Variants in EPHA5 observed in about 807,000 individuals in gnomAD.
The protein encoded by EPHA5 is ephrin type-A receptor 5.
EPHA5 carries 60 observed loss-of-function variants against 105.0 expected under a neutral mutation model. The ratio of observed to expected loss-of-function variants is 0.57; its 90% CI spans 0.46 to 0.71. The LOEUF is 0.71. Ranked by LOEUF, EPHA5 falls within the 30% of genes least tolerant of loss-of-function variation. The probability of loss-of-function intolerance (pLI) is 0.00; values close to 1 mark genes in which losing one functional copy is unlikely to be tolerated. For missense variants in EPHA5, 1,218 were observed against 1,274.7 expected (o/e 0.96, Z 0.68); for synonymous variants, 513 against 449.1 (o/e 1.14, Z -1.80).
At chr4:65,506,210 T>C (rs943449518) in intron 3 of EPHA5, among the ~76,000 whole-genome samples, 3 of 152,146 alleles carry the variant, frequency 2.0e-5, no homozygotes, top group Admixed American at 6.6e-5. Flanking sequence ...TAGTATTCCA[T>C]GGTGTATATG....
At chr4:65,432,293 T>A (rs1012401547) in intron 5 of EPHA5, among the ~76,000 whole-genome samples, 2 of 152,196 alleles carry the variant, frequency 1.3e-5, no homozygotes, top group African/African-American at 4.8e-5. Context: ...TGTATAGAAT[T>A]GACTGCTATA....
intron 5 of EPHA5, among the ~76,000 whole-genome samples, chr4:65,437,760 T>C (rs1185658423): frequency 1.3e-5 from 2 of 151,932 alleles, no homozygotes; most frequent in Admixed American, 1.3e-4. Flanking sequence ...AATATAGTCA[T>C]TTGTAAAATT....
intron 3 of EPHA5, among the ~76,000 whole-genome samples, chr4:65,569,903 A>C (rs1373420778): frequency 6.6e-6 from 1 of 151,744 alleles, no homozygotes; most frequent in East Asian, 1.9e-4. Flanking sequence ...AATATTTGAC[A>C]AAAGTTTGAA....
At chr4:65,463,097 A>C (rs1416904781) in intron 5 of EPHA5, among the ~76,000 whole-genome samples, 1 of 152,212 alleles carries the variant, frequency 6.6e-6, no homozygotes, top group African/African-American at 2.4e-5. Flanking sequence ...GTATTGGTCT[A>C]TATTAAAACT....
At chr4:65,539,040 CT>C (rs1736566563) in intron 3 of EPHA5, among the ~76,000 whole-genome samples, 1 of 151,646 alleles carries the variant, frequency 6.6e-6, no homozygotes, top group South Asian at 2.1e-4. Flanking sequence ...GTTTTATGTT[CT>C]CCTTGTTACA....
chr4:65,611,246 G>C (rs1744731050), intron 2 of EPHA5, among the ~76,000 whole-genome samples: 1 of 151,828 alleles, frequency 6.6e-6, no homozygotes, highest in African/African-American at 2.4e-5. Context: ...ATATATTTCA[G>C]TATATATTTC....
intron 4 of EPHA5, among the ~76,000 whole-genome samples, chr4:65,493,283 T>A (rs1257359479): frequency 2.0e-5 from 3 of 152,208 alleles, no homozygotes; most frequent in Admixed American, 6.5e-5. Context: ...ACTGTGAGAC[T>A]AACCTTTAAT....
At chr4:65,466,117 T>A (rs1381710237) in intron 5 of EPHA5, among the ~76,000 whole-genome samples, 1 of 152,276 alleles carries the variant, frequency 6.6e-6, no homozygotes, top group African/African-American at 2.4e-5. Context: ...TATGTGTGCA[T>A]GTGTGTGGGC....
At chr4:65,570,190 T>C (rs1352893071) in intron 3 of EPHA5, among the ~76,000 whole-genome samples, 2 of 151,904 alleles carry the variant, frequency 1.3e-5, no homozygotes, top group Non-Finnish European at 2.9e-5. Context: ...ACTATACTCC[T>C]AACTACACTC....
intron 3 of EPHA5, among the ~76,000 whole-genome samples, chr4:65,585,913 T>A (rs2149405648): frequency 6.6e-6 from 1 of 151,826 alleles, no homozygotes; most frequent in South Asian, 2.1e-4. Flanking sequence ...AAAAAATGCC[T>A]GCAGCCTTAC....
At chr4:65,520,448 A>G (rs927223767) in intron 3 of EPHA5, among the ~76,000 whole-genome samples, 4 of 152,224 alleles carry the variant, frequency 2.6e-5, no homozygotes, top group African/African-American at 9.6e-5. Context: ...AAGCAATACC[A>G]TTCAGGTCAT....
At chr4:65,470,672 T>C (rs1044612562) in intron 5 of EPHA5, among the ~76,000 whole-genome samples, 1 of 152,134 alleles carries the variant, frequency 6.6e-6, no homozygotes, top group African/African-American at 2.4e-5. Context: ...CAAGATAAGA[T>C]AATGAAAAAT....
chr4:65,346,291 A>C (rs2034539), intron 14 of EPHA5, among the ~76,000 whole-genome samples: 1 of 151,618 alleles, frequency 6.6e-6, no homozygotes, highest in Non-Finnish European at 1.5e-5. Flanking sequence ...GAAAATATTT[A>C]CTCAGTCTAA....
chr4:65,329,791 G>A (rs1720415968), intron 16 of EPHA5, among the ~76,000 whole-genome samples: 1 of 146,678 alleles, frequency 6.8e-6, no homozygotes, highest in Admixed American at 6.9e-5. Flanking sequence ...TTTGCCATTA[G>A]TCCTTAGCAA....
chr4:65,409,388 C>T (rs940139113), intron 7 of EPHA5, among the ~76,000 whole-genome samples: 5 of 122,498 alleles, frequency 4.1e-5, no homozygotes, highest in East Asian at 2.5e-4. Context: ...CTTTGTAAGC[C>T]GGAAAAAAGG....
intron 8 of EPHA5, among the ~76,000 whole-genome samples, chr4:65,399,458 C>A (rs1477072162): frequency 6.6e-6 from 1 of 152,176 alleles, no homozygotes; most frequent in Non-Finnish European, 1.5e-5. Context: ...CAGGCCTGAG[C>A]AAAACTCAGG....
chr4:65,504,123 T>G (rs1383279762), intron 3 of EPHA5, among the ~76,000 whole-genome samples: 2 of 151,478 alleles, frequency 1.3e-5, no homozygotes, highest in Non-Finnish European at 3.0e-5. Flanking sequence ...TATTGTTACA[T>G]CTATATATTT....
At chr4:65,616,921 T>A (rs1418044256) in intron 2 of EPHA5, among the ~76,000 whole-genome samples, 1 of 152,092 alleles carries the variant, frequency 6.6e-6, no homozygotes, top group Non-Finnish European at 1.5e-5. Context: ...GATATTAAGT[T>A]GAAATCTTTG....
chr4:65,601,438 T>C (rs1743713137), intron 3 of EPHA5, among the ~76,000 whole-genome samples: 1 of 152,212 alleles, frequency 6.6e-6, no homozygotes, highest in African/African-American at 2.4e-5. Flanking sequence ...ATTAATTATG[T>C]ATATCCAATA....
Sources: allele counts gnomAD v4.1 joint callset (sites outside exome capture counted in the v4.1 genomes callset), GRCh38; gene constraint gnomAD v4.1.1; transcripts MANE v1.5; gene names NCBI Gene and HGNC (gene_info 2026-07-23, HGNC 2026-07-21).